UBE2E2: variants seen among roughly 807,000 people sequenced by gnomAD.
UBE2E2 encodes the protein ubiquitin-conjugating enzyme E2 E2.
In UBE2E2, 6 loss-of-function variants were observed where a neutral mutation model predicts 24.7. The observed-to-expected ratio is 0.24, with a 90% CI of 0.13 to 0.48. The LOEUF (loss-of-function observed/expected upper bound fraction) is 0.48. Ranked by LOEUF, UBE2E2 falls within the 20% of genes least tolerant of loss-of-function variation. The pLI, the probability that UBE2E2 is intolerant of heterozygous loss-of-function variation, is 0.99. For synonymous variants in UBE2E2, 104 were observed against 83.6 expected, an observed-to-expected ratio of 1.24 and a Z score of -1.33; for missense variants, 169 against 245.0, an observed-to-expected ratio of 0.69 and a Z score of 2.07.
intron 3 of UBE2E2, among the ~76,000 whole-genome samples, chr3:23,220,908 A>G (rs1696616596): frequency 6.6e-6 from 1 of 152,226 alleles, no homozygotes; most frequent in Non-Finnish European, 1.5e-5. Context: ...CCTCGGTGCT[A>G]GTGGAGAACT....
At chr3:23,516,974 C>CT (rs1431971942) in intron 4 of UBE2E2, among the ~76,000 whole-genome samples, 1 of 151,758 alleles carries the variant, frequency 6.6e-6, no homozygotes, top group Non-Finnish European at 1.5e-5. Flanking sequence ...TATTTCTGTC[C>CT]TTTAATACCA....
chr3:23,301,287 C>T (rs975727645), intron 3 of UBE2E2, among the ~76,000 whole-genome samples: 2 of 152,158 alleles, frequency 1.3e-5, no homozygotes, highest in Non-Finnish European at 2.9e-5. Context: ...CTCAACTAAT[C>T]AAAGTCATTC....
At chr3:23,579,495 G>C (rs1235446643) in intron 5 of UBE2E2, among the ~76,000 whole-genome samples, 1 of 151,208 alleles carries the variant, frequency 6.6e-6, no homozygotes, top group Non-Finnish European at 1.5e-5. Flanking sequence ...TTTGAGACCA[G>C]CCTGGGCAAC....
At chr3:23,265,543 A>G (rs564193105) in intron 3 of UBE2E2, among the ~76,000 whole-genome samples, 30 of 152,294 alleles carry the variant, frequency 2.0e-4, no homozygotes, top group African/African-American at 6.3e-4. Flanking sequence ...CATGAATTTT[A>G]GTGAAAATAA....
intron 3 of UBE2E2, among the ~76,000 whole-genome samples, chr3:23,424,319 A>G (rs561795173): frequency 6.6e-6 from 1 of 152,300 alleles, no homozygotes; most frequent in East Asian, 1.9e-4. Context: ...GATTTCCTAA[A>G]TGAATTCATT....
intron 3 of UBE2E2, among the ~76,000 whole-genome samples, chr3:23,305,138 C>T (rs1420706797): frequency 2.0e-5 from 3 of 152,064 alleles, no homozygotes; most frequent in South Asian, 2.1e-4. Flanking sequence ...TTATCATTGG[C>T]GACAAGTACT....
chr3:23,378,906 T>C (rs35347265), intron 3 of UBE2E2, among the ~76,000 whole-genome samples: 10,711 of 152,238 alleles, frequency 0.07, 500 homozygotes, highest in Non-Finnish European at 0.088. Flanking sequence ...TTAATACCTA[T>C]TTTCTTTGTC....
intron 5 of UBE2E2, among the ~76,000 whole-genome samples, chr3:23,574,558 G>A (rs1696302587): frequency 6.6e-6 from 1 of 151,948 alleles, no homozygotes; most frequent in Non-Finnish European, 1.5e-5. Context: ...TATAAAGAAA[G>A]CAGTTTGCAG....
intron 3 of UBE2E2, among the ~76,000 whole-genome samples, chr3:23,462,535 C>G (rs1211002568): frequency 2.0e-5 from 3 of 151,950 alleles, no homozygotes; most frequent in Non-Finnish European, 2.9e-5. Flanking sequence ...GTTTCTTCAC[C>G]CCAGCACAGT....
intron 3 of UBE2E2, chr3:23,449,942 C>G (rs529095633): frequency 3.0e-6 from 3 of 985,230 alleles, no homozygotes; most frequent in African/African-American, 1.7e-5. Context: ...AAATGTACCC[C>G]TGAAGAGGCA....
intron 5 of UBE2E2, among the ~76,000 whole-genome samples, chr3:23,575,808 T>A (rs1575718895): frequency 6.6e-6 from 1 of 152,274 alleles, no homozygotes; most frequent in East Asian, 1.9e-4. Context: ...GACTGTAATA[T>A]AGTTCTAACA....
chr3:23,242,421 A>G (rs1402412808), intron 3 of UBE2E2, among the ~76,000 whole-genome samples: 1 of 115,196 alleles, frequency 8.7e-6, no homozygotes, highest in Non-Finnish European at 1.6e-5. Context: ...TGAGCAGTCC[A>G]CAAAGCCAAA....
intron 5 of UBE2E2, among the ~76,000 whole-genome samples, chr3:23,549,768 C>T (rs1183516238): frequency 6.6e-6 from 1 of 152,124 alleles, no homozygotes; most frequent in Non-Finnish European, 1.5e-5. Flanking sequence ...CGCGGTGGCT[C>T]ACACCTGTAA....
At chr3:23,458,201 C>T (rs1465693671) in intron 3 of UBE2E2, among the ~76,000 whole-genome samples, 1 of 151,760 alleles carries the variant, frequency 6.6e-6, no homozygotes, top group Non-Finnish European at 1.5e-5. Context: ...CTATTGTAGA[C>T]CTAATTTCAG....
intron 4 of UBE2E2, among the ~76,000 whole-genome samples, chr3:23,509,753 G>C (rs1694544607): frequency 8.0e-6 from 1 of 124,352 alleles, no homozygotes; most frequent in Non-Finnish European, 1.6e-5. Flanking sequence ...ACAGGCCCCG[G>C]TGTGTGATGT....
chr3:23,468,068 A>G (rs2125431460), intron 3 of UBE2E2, among the ~76,000 whole-genome samples: 1 of 152,342 alleles, frequency 6.6e-6, no homozygotes, highest in African/African-American at 2.4e-5. Context: ...GGACACAACC[A>G]AACCATATCA....
intron 3 of UBE2E2, among the ~76,000 whole-genome samples, chr3:23,335,981 C>A (rs935698911): frequency 2.0e-5 from 3 of 152,074 alleles, no homozygotes; most frequent in Non-Finnish European, 4.4e-5. Flanking sequence ...ATACCAGATA[C>A]CGTGTTCATC....
chr3:23,591,602 C>T lies in UBE2E2; in HGVS notation c.*1771C>T, dbSNP rs1164788605. On this transcript the variant is annotated 3_prime_UTR_variant, in exon 6 of 6. Coordinates refer to ENST00000396703, the MANE Select transcript of UBE2E2 (RefSeq NM_152653.4). ...GTAGTAGAGGGAGCCACAGACAGTA[C>T]ATAAATGCATTGGGCAGAGCTATAT... 1 of 152,170 alleles carries T rather than the reference C, an allele frequency of 6.6e-6. No homozygotes were observed. The highest frequency in any genetic ancestry group is 2.4e-5 in the African/African-American group (1 of 41,434). The allele number at this position is 152,170 out of a possible 1,614,324, so 9.4% of individuals were successfully genotyped here.
intron 5 of UBE2E2, among the ~76,000 whole-genome samples, chr3:23,550,987 C>G (rs1695629830): frequency 6.6e-6 from 1 of 152,184 alleles, no homozygotes; most frequent in Non-Finnish European, 1.5e-5. Context: ...GGATGAATTA[C>G]TCTAAAGACT....
Sources: gnomAD v4.1 joint callset for allele counts (sites outside exome capture counted in the v4.1 genomes callset) on GRCh38, gnomAD v4.1.1 for gene constraint, MANE v1.5 for transcripts, NCBI Gene and HGNC (gene_info 2026-07-23, HGNC 2026-07-21) for gene names.